Variants in FRMD4A observed in about 807,000 individuals in gnomAD.
FRMD4A encodes the protein FERM domain containing 4A.
A neutral mutation model predicts 129.1 loss-of-function variants in FRMD4A; 29 were observed. That is an observed-to-expected ratio of 0.22 (90% CI 0.17 to 0.31). The LOEUF (loss-of-function observed/expected upper bound fraction) is 0.31. Ranked by LOEUF, FRMD4A falls within the 10% of genes least tolerant of loss-of-function variation. The pLI is 1.00. For synonymous variants in FRMD4A, 634 were observed against 571.6 expected, an observed-to-expected ratio of 1.11 and a Z score of -1.56; for missense variants, 1,272 against 1,375.8, an observed-to-expected ratio of 0.92 and a Z score of 1.19.
At chr10:14,205,889 A>G (rs1051149043) in intron 2 of FRMD4A, among the ~76,000 whole-genome samples, 1 of 151,266 alleles carries the variant, frequency 6.6e-6, no homozygotes, top group Non-Finnish European at 1.5e-5. Context: ...ATGTAAAAGG[A>G]GACTTACCTG....
chr10:13,805,143 T>C (rs1320055399), intron 4 of FRMD4A, among the ~76,000 whole-genome samples: 1 of 152,104 alleles, frequency 6.6e-6, no homozygotes, highest in Non-Finnish European at 1.5e-5. Context: ...TTTCTTTTCT[T>C]TCTTTTTTTT....
intron 14 of FRMD4A, among the ~76,000 whole-genome samples, chr10:13,697,494 G>A (rs1043717728): frequency 2.6e-5 from 4 of 152,150 alleles, no homozygotes; most frequent in South Asian, 2.1e-4. Flanking sequence ...TAACAGACTC[G>A]GTGGGGAGAG....
intron 2 of FRMD4A, among the ~76,000 whole-genome samples, chr10:13,864,412 A>C (rs2094337456): frequency 6.6e-6 from 1 of 150,950 alleles, no homozygotes; most frequent in Non-Finnish European, 1.5e-5. Context: ...CTTTGAATTC[A>C]AAAAAAAGTC....
intron 2 of FRMD4A, among the ~76,000 whole-genome samples, chr10:13,966,669 G>A (rs1046297375): frequency 1.3e-5 from 2 of 152,192 alleles, no homozygotes; most frequent in African/African-American, 4.8e-5. Flanking sequence ...TGTGCTGAGT[G>A]GCACATCACA....
Position 13,657,785 on chromosome 10 carries a change from T to C in FRMD4A, c.2067-263A>G, listed in dbSNP as rs550819232. ...GGACTCACAGAAAGGTTTCGATTTC[T>C]GGGTTTTTTTTTTTTTTTAAATAAT... On this transcript the variant is annotated intron_variant, in intron 21 of 24. Transcript: ENST00000357447. Among the ~76,000 whole-genome samples, 95 of 109,086 alleles carry C rather than the reference T, an allele frequency of 8.7e-4. 1 individual carries two copies. The highest frequency in any genetic ancestry group is 6.7e-3 in the South Asian group (23 of 3,438). The allele number at this position is 109,086 out of a possible 152,430, so 71.6% of individuals were successfully genotyped here.
intron 2 of FRMD4A, among the ~76,000 whole-genome samples, chr10:14,320,929 A>T (rs1460940353): frequency 6.6e-6 from 1 of 152,206 alleles, no homozygotes; most frequent in East Asian, 1.9e-4. Flanking sequence ...CTTCAGTTCA[A>T]ATGCAACCTC....
intron 2 of FRMD4A, among the ~76,000 whole-genome samples, chr10:14,052,550 G>T (rs1248053216): frequency 1.3e-5 from 2 of 151,902 alleles, no homozygotes; most frequent in African/African-American, 4.8e-5. Flanking sequence ...GGGAGGAGGT[G>T]CCAGGCTCTT....
chr10:13,663,088 GC>G (rs2082757126), intron 19 of FRMD4A, among the ~76,000 whole-genome samples: 1 of 152,002 alleles, frequency 6.6e-6, no homozygotes, highest in African/African-American at 2.4e-5. Context: ...TACTAGGGAG[GC>G]TGAGGTGGAA....
intron 2 of FRMD4A, among the ~76,000 whole-genome samples, chr10:14,321,383 AG>A (rs1288844173): frequency 5.9e-5 from 9 of 151,884 alleles, no homozygotes; most frequent in African/African-American, 2.2e-4. Context: ...TATGAAATAA[AG>A]GAGAAAGAGA....
intron 2 of FRMD4A, among the ~76,000 whole-genome samples, chr10:14,165,817 C>T (rs1215735370): frequency 2.6e-5 from 4 of 152,068 alleles, no homozygotes; most frequent in African/African-American, 7.2e-5. Flanking sequence ...TACTCATGGA[C>T]ATAAAGATGG....
chr10:14,304,716 G>T (rs1254126699), intron 2 of FRMD4A, among the ~76,000 whole-genome samples: 2 of 152,212 alleles, frequency 1.3e-5, no homozygotes, highest in East Asian at 3.8e-4. Flanking sequence ...CTGTTTGCCT[G>T]AGGGCTCTGG....
chr10:14,066,848 A>G (rs1565224833), intron 2 of FRMD4A, among the ~76,000 whole-genome samples: 1 of 152,192 alleles, frequency 6.6e-6, no homozygotes, highest in Non-Finnish European at 1.5e-5. Flanking sequence ...ACTTAAATGG[A>G]CTTCTTTCCG....
intron 8 of FRMD4A, among the ~76,000 whole-genome samples, chr10:13,760,853 G>C (rs2092042264): frequency 7.0e-6 from 1 of 143,072 alleles, no homozygotes; most frequent in African/African-American, 2.7e-5. Flanking sequence ...TGATTCTCCA[G>C]AATGGGCTAC....
At chr10:14,166,915 T>G (rs1042921007) in intron 2 of FRMD4A, among the ~76,000 whole-genome samples, 8 of 152,176 alleles carry the variant, frequency 5.3e-5, no homozygotes, top group Non-Finnish European at 8.8e-5. Context: ...TCAATAAATA[T>G]GTATGAAGGC....
rs1325685389 is a variant in FRMD4A, at chr10:13,644,762, G to A, written c.*2276C>T. ...AATCTTCTTTGGGAGAAAGAAAAAT[G>A]GCCCAATGTATAATGTTTCTGAATG... is the stretch of plus-strand genomic sequence containing the variant. On this transcript the variant is annotated 3_prime_UTR_variant, in exon 25 of 25. Transcript: ENST00000357447. The A allele has an allele frequency of 6.6e-6, 1 of 151,892 alleles. No individual in the cohort carries two copies. Among genetic ancestry groups the A allele is most frequent in the Non-Finnish European group, 1.5e-5 (1 of 67,962 alleles). The allele number at this position is 151,892 out of a possible 1,614,324, so 9.4% of individuals were successfully genotyped here.
chr10:14,198,137 G>A (rs985462244), intron 2 of FRMD4A, among the ~76,000 whole-genome samples: 5 of 152,198 alleles, frequency 3.3e-5, no homozygotes, highest in East Asian at 1.9e-4. Context: ...ATGGTGGCAC[G>A]AATCAAAGGA....
At chr10:13,713,167 C>A (rs1035428995) in intron 12 of FRMD4A, among the ~76,000 whole-genome samples, 5 of 152,212 alleles carry the variant, frequency 3.3e-5, no homozygotes, top group African/African-American at 1.2e-4. Flanking sequence ...TGAGTAACTT[C>A]CTGTTTCATC....
At chr10:14,179,440 C>T (rs960301098) in intron 2 of FRMD4A, among the ~76,000 whole-genome samples, 1 of 152,110 alleles carries the variant, frequency 6.6e-6, no homozygotes, top group Non-Finnish European at 1.5e-5. Context: ...TCTTGGGTAA[C>T]ACTGAAGGAG....
intron 2 of FRMD4A, 53 bp downstream of exon 2, chr10:14,330,005 G>A (rs1843451786): frequency 3.3e-6 from 5 of 1,518,376 alleles, no homozygotes; most frequent in East Asian, 2.5e-5. Flanking sequence ...CCACGGTGCA[G>A]GGGAGGCTGG....
Sources: gnomAD v4.1 joint callset for allele counts (sites outside exome capture counted in the v4.1 genomes callset) on GRCh38, gnomAD v4.1.1 for gene constraint, MANE v1.5 for transcripts, NCBI Gene and HGNC (gene_info 2026-07-23, HGNC 2026-07-21) for gene names.